Variants in DGKZ observed in about 807,000 individuals in gnomAD.
DGKZ encodes DAG kinase zeta.
In DGKZ, 45 loss-of-function variants were observed where a neutral mutation model predicts 142.5. The ratio of observed to expected loss-of-function variants is 0.32; its 90% CI spans 0.25 to 0.40. DGKZ has a LOEUF of 0.40. Among genes scored for constraint, DGKZ ranks in the 10% least tolerant of loss-of-function variants. The pLI is 1.00. For synonymous variants in DGKZ, 442 were observed against 527.0 expected, an observed-to-expected ratio of 0.84 and a Z score of 2.21; for missense variants, 755 against 1,306.5, an observed-to-expected ratio of 0.58 and a Z score of 6.51.
At chr11:46,370,124 C>A in intron 6 of DGKZ, 115 bp downstream of exon 6, 1 of 1,331,790 alleles carries the variant, frequency 7.5e-7, no homozygotes. Context: ...GAGTCCGGGG[C>A]TGACCCTCAG....
At chr11:46,360,212 CTT>C (rs954519069) in intron 1 of DGKZ, among the ~76,000 whole-genome samples, 1 of 151,938 alleles carries the variant, frequency 6.6e-6, no homozygotes, top group African/African-American at 2.4e-5. Context: ...TTTTTGCTAA[CTT>C]TTTTTTAGAA....
chr11:46,336,607 CTG>C (rs200651586), intron 1 of DGKZ, among the ~76,000 whole-genome samples: 2 of 152,144 alleles, frequency 1.3e-5, no homozygotes, highest in Non-Finnish European at 2.9e-5. Flanking sequence ...TAGGGTCTCA[CTG>C]TGTGTGTCAC....
At chr11:46,369,886 G>A in intron 5 of DGKZ, 55 bp from the exon 6 acceptor site, 1 of 1,594,716 alleles carries the variant, frequency 6.3e-7, no homozygotes, top group Non-Finnish European at 8.6e-7. Flanking sequence ...GCAGTCCTCA[G>A]GACTGTGCCC....
chr11:46,378,936 A>T, intron 27 of DGKZ, 55 bp from the exon 28 acceptor site: 1 of 1,500,894 alleles, frequency 6.7e-7, no homozygotes, highest in Non-Finnish European at 8.8e-7. Context: ...GTGTGAGCTC[A>T]GGGAAGGAGG....
At chr11:46,333,461 G>C in exon 1 of DGKZ, 2 of 1,538,436 alleles carry the variant, frequency 1.3e-6, no homozygotes, top group Non-Finnish European at 1.7e-6. Flanking sequence ...TCCGCCAGCT[G>C]CACCTACGAA....
intron 1 of DGKZ, among the ~76,000 whole-genome samples, chr11:46,361,093 G>A (rs547784944): frequency 9.8e-5 from 15 of 152,348 alleles, no homozygotes; most frequent in Non-Finnish European, 1.9e-4. Context: ...CCAGCCTCCC[G>A]TTTGTAATGC....
chr11:46,366,446 G>C, intron 1 of DGKZ: 1 of 1,552,936 alleles, frequency 6.4e-7, no homozygotes, highest in Non-Finnish European at 8.7e-7. Flanking sequence ...CCTGAGTTGC[G>C]GGGTGAGGGC....
At chr11:46,357,183 G>A (rs1036422380) in intron 1 of DGKZ, among the ~76,000 whole-genome samples, 1 of 152,228 alleles carries the variant, frequency 6.6e-6, no homozygotes, top group African/African-American at 2.4e-5. Flanking sequence ...GAAGAGACTG[G>A]GGGTATTTCA....
At chr11:46,373,082 A>T (rs1944135741) in exon 14 of DGKZ, 5 of 1,544,354 alleles carry the variant, frequency 3.2e-6, no homozygotes, top group South Asian at 2.4e-5. Flanking sequence ...GAGGACCGAG[A>T]TGAAGGCGCC....
chr11:46,371,903 G>A, intron 9 of DGKZ, 128 bp downstream of exon 9: 1 of 1,293,996 alleles, frequency 7.7e-7, no homozygotes, highest in East Asian at 2.5e-5. Context: ...TGGGGCCTCT[G>A]AGGAAGGCAG....
chr11:46,366,186 AC>A lies in DGKZ; in HGVS notation c.162-1104del, dbSNP rs1438084284. The A allele has an allele frequency of 2.2e-5, 32 of 1,460,512 alleles. No homozygotes were observed. The African/African-American group carries it at 4.2e-4, about 19-fold the overall frequency. The allele number at this position is 1,460,512 out of a possible 1,614,324, so 90.5% of individuals were successfully genotyped here. A position where few individuals can be genotyped will look rare whatever the true frequency, so the allele number is the denominator to read the frequency against. On this transcript the variant is annotated intron_variant, in intron 1 of 30. Coordinates refer to ENST00000527911, the Ensembl canonical transcript of DGKZ. ...AGAGGCTGTGAATGGGCTCCCGGAC[AC>A]AGGACAGACCGTGGCCTGATCCAGC...
chr11:46,345,864 G>T (rs2136388237), upstream of DGKZ, among the ~76,000 whole-genome samples: 1 of 152,286 alleles, frequency 6.6e-6, no homozygotes, highest in Non-Finnish European at 1.5e-5. This position sits in a 1 kb window ranked among gnomAD's most constrained non-coding sequence, Gnocchi z 4.1. Flanking sequence ...CTGGATGCTG[G>T]AGATTTCTGA....
chr11:46,379,802 C>G (rs1351175016), intron 30 of DGKZ, 29 bp from the exon 31 acceptor site: 4 of 1,587,328 alleles, frequency 2.5e-6, no homozygotes, highest in Non-Finnish European at 3.4e-6. Context: ...CCTCTGGCCC[C>G]TGCTGATCGC....
rs563541094 is a variant in DGKZ at position 46,351,324 on chromosome 11, G to A, written c.161+3504G>A. Among the ~76,000 whole-genome samples, 12 of 152,246 alleles carry A rather than the reference G, an allele frequency of 7.9e-5. No homozygotes were observed. In the East Asian group the frequency reaches 2.3e-3, roughly 29 times the overall value. On this transcript the variant is annotated intron_variant, in intron 1 of 30. Transcript: ENST00000527911. Reference sequence around the variant, plus strand: ...CCCTAGGAGCCTGAGCGTCTGTGCCGCCATCCCCTGCCCTTCACGGTGCTC... The same window carrying A: ...CCCTAGGAGCCTGAGCGTCTGTGCCACCATCCCCTGCCCTTCACGGTGCTC...
At chr11:46,366,957 G>A in intron 1 of DGKZ, 2 of 1,536,882 alleles carry the variant, frequency 1.3e-6, no homozygotes, top group Non-Finnish European at 1.7e-6. Flanking sequence ...AAGGCGGCCG[G>A]ACCCCAGGCC....
chr11:46,375,194 C>T (rs1944403036), intron 19 of DGKZ, 149 bp downstream of exon 19: 3 of 856,086 alleles, frequency 3.5e-6, no homozygotes, highest in East Asian at 2.7e-5. Flanking sequence ...GGCACCTACC[C>T]CCTCTCCTCA....
At chr11:46,376,891 G>A in intron 24 of DGKZ, 182 bp from the exon 25 acceptor site, 1 of 654,684 alleles carries the variant, frequency 1.5e-6, no homozygotes, top group South Asian at 1.9e-5. Context: ...TAAAGTCTGG[G>A]CAGTCGGAGG....
At position 46,372,309 on chromosome 11, in the gene DGKZ, C is replaced by A. The variant is rs188876645; in HGVS notation, c.928-119C>A. The A allele has an allele frequency of 1.0e-4, 137 of 1,345,348 alleles. No homozygotes were observed. The highest frequency in any genetic ancestry group is 1.2e-4 in the Non-Finnish European group (115 of 964,278). 83.3% of individuals were successfully genotyped at this position (1,345,348 alleles called of 1,614,324 possible). A position where few individuals can be genotyped will look rare whatever the true frequency, so the allele number is the denominator to read the frequency against. ...CCAGGGATCCTGAGAAAATCCTGTC[C>A]TTTCTCCACCCCTCACCCCTTATTG... On this transcript the variant is annotated intron_variant, in intron 10 of 30. Transcript: ENST00000527911. The surrounding 1 kb of genome is among the most constrained non-coding windows in gnomAD (Gnocchi z 5.9).
In DGKZ at chr11:46,367,545, C is replaced by A. The variant is rs1264350108; in HGVS notation, c.271-107C>A. The A allele has an allele frequency of 1.4e-5, 11 of 791,400 alleles. No homozygotes were observed. Among genetic ancestry groups the A allele is most frequent in the Non-Finnish European group, 1.7e-5 (11 of 633,422 alleles). The allele number at this position is 791,400 out of a possible 1,614,324, so 49.0% of individuals were successfully genotyped here. A position where few individuals can be genotyped will look rare whatever the true frequency, so the allele number is the denominator to read the frequency against. On this transcript the variant is annotated intron_variant, in intron 2 of 30. Coordinates refer to ENST00000527911, the Ensembl canonical transcript of DGKZ. The surrounding 1 kb of genome is among the most constrained non-coding windows in gnomAD (Gnocchi z 4.1). ...GCAGACGGAACAGAGCAGGGTCGAT[C>A]GGGGCGCTGGAGTGGGTTTGTCTTG...
Sources: allele counts gnomAD v4.1 joint callset (sites outside exome capture counted in the v4.1 genomes callset), GRCh38; gene constraint gnomAD v4.1.1; non-coding constraint Gnocchi (gnomAD v3.1); transcripts MANE v1.5; gene names NCBI Gene and HGNC (gene_info 2026-07-23, HGNC 2026-07-21).